IQCM: variants seen among roughly 807,000 people sequenced by gnomAD.
IQCM encodes IQ motif containing M.
A neutral mutation model predicts 57.6 loss-of-function variants in IQCM; 45 were observed. The ratio of observed to expected loss-of-function variants is 0.78; its 90% confidence interval spans 0.62 to 1.00. IQCM has a LOEUF of 1.00. IQCM is among the 50% of genes least tolerant of loss of function. The pLI is 0.00. For synonymous variants in IQCM, 148 were observed against 158.9 expected, an observed-to-expected ratio of 0.93 and a Z score of 0.51; for missense variants, 468 against 511.6, an observed-to-expected ratio of 0.91 and a Z score of 0.82.
intron 12 of IQCM, among the ~76,000 whole-genome samples, chr4:149,457,831 A>G (rs1737858875): frequency 6.6e-6 from 1 of 152,076 alleles, no homozygotes; most frequent in African/African-American, 2.4e-5. Flanking sequence ...AGAAAAATAT[A>G]TGTATTTTAA....
At chr4:149,487,345 T>C (rs552118696) in intron 12 of IQCM, among the ~76,000 whole-genome samples, 1 of 152,272 alleles carries the variant, frequency 6.6e-6, no homozygotes, top group African/African-American at 2.4e-5. Context: ...TTCCTCTCTT[T>C]AAGCAGAAAG....
At chr4:149,434,373 C>A (rs1283858867) in intron 12 of IQCM, among the ~76,000 whole-genome samples, 1 of 152,014 alleles carries the variant, frequency 6.6e-6, no homozygotes, top group East Asian at 1.9e-4. Context: ...GCCCATTGGG[C>A]CTCCAGTTTG....
intron 5 of IQCM, among the ~76,000 whole-genome samples, chr4:149,729,694 CA>C (rs1282799208): frequency 6.6e-6 from 1 of 151,906 alleles, no homozygotes; most frequent in African/African-American, 2.4e-5. Flanking sequence ...AGGATGCAGT[CA>C]TTTTTTTTAA....
chr4:149,483,838 G>C (rs1388303389), intron 12 of IQCM, among the ~76,000 whole-genome samples: 1 of 151,834 alleles, frequency 6.6e-6, no homozygotes, highest in African/African-American at 2.4e-5. Flanking sequence ...TTTTCTGTTT[G>C]TGAGATCTAT....
At chr4:149,671,461 T>C (rs1457768073) in intron 7 of IQCM, among the ~76,000 whole-genome samples, 2 of 152,180 alleles carry the variant, frequency 1.3e-5, no homozygotes, top group African/African-American at 4.8e-5. Flanking sequence ...AAGGGTTTTT[T>C]TGTGTCTCTA....
chr4:149,378,842 T>G (rs1447420415), intron 13 of IQCM, among the ~76,000 whole-genome samples: 1 of 152,130 alleles, frequency 6.6e-6, no homozygotes, highest in East Asian at 1.9e-4. Context: ...CCAGGGAATA[T>G]CAGAGACCTT....
At chr4:149,661,513 T>C (rs983578160) in intron 7 of IQCM, among the ~76,000 whole-genome samples, 3 of 152,162 alleles carry the variant, frequency 2.0e-5, no homozygotes, top group African/African-American at 7.2e-5. Flanking sequence ...ATAGAAGAGT[T>C]GAAGGAGCAT....
At chr4:149,409,387 G>A (rs1301544669) in intron 13 of IQCM, among the ~76,000 whole-genome samples, 1 of 152,168 alleles carries the variant, frequency 6.6e-6, no homozygotes, top group African/African-American at 2.4e-5. Context: ...TGGCACTCCC[G>A]ATGGCTGCAC....
At chr4:149,665,324 T>G (rs1561126784) in intron 7 of IQCM, among the ~76,000 whole-genome samples, 1 of 152,160 alleles carries the variant, frequency 6.6e-6, no homozygotes, top group African/African-American at 2.4e-5. Context: ...AGTAAACTAC[T>G]GGCATCTAAG....
chr4:149,379,350 C>T (rs72724059), intron 13 of IQCM, among the ~76,000 whole-genome samples: 33,248 of 152,072 alleles, frequency 0.22, 4,586 homozygotes, highest in Non-Finnish European at 0.3. Flanking sequence ...CATGGAAAAT[C>T]CACAGACCCT....
chr4:149,373,769 T>C (rs1202067466), intron 13 of IQCM, among the ~76,000 whole-genome samples: 2 of 152,100 alleles, frequency 1.3e-5, no homozygotes, highest in South Asian at 2.1e-4. Context: ...GGTTGACTCC[T>C]CACTTCTGGC....
Position 149,548,554 on chromosome 4 carries a change from G to A in IQCM, c.1129C>T (p.Pro377Ser). The change falls in exon 12 of 14, where the codon CCA becomes TCA. Residue 377 changes from proline to serine, a missense_variant. Coordinates refer to ENST00000636793, the MANE Select transcript of IQCM (RefSeq NM_001363507.2). ...EIMFAKREDWPKIERNELPNF... is the reference protein window; with the variant it reads ...EIMFAKREDWSKIERNELPNF... Reference sequence around the variant, plus strand: ...GGGAGCTCATTTCTTTCAATTTTTGGCCAATCTTCCCTCTTAGCAAACATT... The same window carrying A: ...GGGAGCTCATTTCTTTCAATTTTTGACCAATCTTCCCTCTTAGCAAACATT... 6.5e-6 allele frequency: 8 copies of A among 1,229,654 alleles called. No homozygotes were observed. The highest frequency in any genetic ancestry group is 8.1e-6 in the Non-Finnish European group (8 of 985,828). 76.2% of individuals were successfully genotyped at this position (1,229,654 alleles called of 1,614,324 possible). A position where few individuals can be genotyped will look rare whatever the true frequency, so the allele number is the denominator to read the frequency against.
chr4:149,382,777 G>A (rs896882469), intron 13 of IQCM, among the ~76,000 whole-genome samples: 2 of 152,036 alleles, frequency 1.3e-5, no homozygotes, highest in African/African-American at 4.8e-5. Context: ...GCCCTATTAT[G>A]TAATTGTTTC....
chr4:149,459,041 G>A (rs1484271678), intron 12 of IQCM, among the ~76,000 whole-genome samples: 1 of 152,170 alleles, frequency 6.6e-6, no homozygotes, highest in African/African-American at 2.4e-5. Context: ...ATCCCTGCCT[G>A]AGGCTTTCAA....
chr4:149,394,309 A>AAAAC (rs1732072456), intron 13 of IQCM, among the ~76,000 whole-genome samples: 1 of 151,878 alleles, frequency 6.6e-6, no homozygotes, highest in Admixed American at 6.6e-5. Context: ...TCATGTTTTG[A>AAAAC]AACTGTAATA....
At chr4:149,427,574 A>G (rs1734550056) in intron 13 of IQCM, among the ~76,000 whole-genome samples, 2 of 152,110 alleles carry the variant, frequency 1.3e-5, no homozygotes, top group South Asian at 4.1e-4. Context: ...AATGAGAAAG[A>G]CCTAATTCAT....
intron 7 of IQCM, among the ~76,000 whole-genome samples, chr4:149,638,375 T>C (rs1319811779): frequency 6.6e-6 from 1 of 152,058 alleles, no homozygotes; most frequent in Non-Finnish European, 1.5e-5. Context: ...TAAACATACA[T>C]CTATGCTATG....
chr4:149,461,979 G>T (rs112908675), intron 12 of IQCM, among the ~76,000 whole-genome samples: 99 of 152,064 alleles, frequency 6.5e-4, no homozygotes, highest in African/African-American at 2.3e-3. Context: ...GGGGGTTGGG[G>T]TCCCCTATCC....
chr4:149,447,766 C>T (rs1736677314), intron 12 of IQCM, among the ~76,000 whole-genome samples: 1 of 151,402 alleles, frequency 6.6e-6, no homozygotes. Flanking sequence ...AAATTATAAG[C>T]TCATAGGTCC....
Sources: allele counts gnomAD v4.1 joint callset (sites outside exome capture counted in the v4.1 genomes callset), GRCh38; gene constraint gnomAD v4.1.1; transcripts MANE v1.5; gene names NCBI Gene and HGNC (gene_info 2026-07-23, HGNC 2026-07-21).